MYO5C: variants seen among roughly 807,000 people sequenced by gnomAD.
The protein encoded by MYO5C is unconventional myosin-Vc.
A neutral mutation model predicts 235.7 loss-of-function variants in MYO5C; 194 were observed. That is an observed-to-expected ratio of 0.82 (90% CI 0.73 to 0.93). MYO5C has a LOEUF of 0.93. Ranked by LOEUF, MYO5C falls within the 40% of genes least tolerant of loss-of-function variation. The pLI is 0.00. For synonymous variants in MYO5C, 707 were observed against 754.8 expected (o/e 0.94, Z 1.04); for missense variants, 2,038 against 2,127.2 (o/e 0.96, Z 0.82).
At chr15:52,286,566 A>G (rs1432232711) in intron 1 of MYO5C, among the ~76,000 whole-genome samples, 1 of 152,098 alleles carries the variant, frequency 6.6e-6, no homozygotes, top group African/African-American at 2.4e-5. Flanking sequence ...AGAGGTAGAC[A>G]TGGGAGACTT....
At chr15:52,216,496 A>G (rs1475193574) in intron 32 of MYO5C, among the ~76,000 whole-genome samples, 1 of 152,216 alleles carries the variant, frequency 6.6e-6, no homozygotes, top group East Asian at 1.9e-4. Flanking sequence ...TACAGGCATG[A>G]GCCACTGTGC....
chr15:52,268,200 C>A (rs1220205102), intron 8 of MYO5C, among the ~76,000 whole-genome samples: 1 of 152,166 alleles, frequency 6.6e-6, no homozygotes, highest in Non-Finnish European at 1.5e-5. Flanking sequence ...ATACAGTCAA[C>A]CAGGCCACAA....
chr15:52,226,737 G>C (rs2035831469), intron 25 of MYO5C, among the ~76,000 whole-genome samples: 1 of 152,212 alleles, frequency 6.6e-6, no homozygotes, highest in Non-Finnish European at 1.5e-5. Context: ...AAATCCTGAA[G>C]GCCATGCTTT....
At chr15:52,215,895 A>G (rs1211222531) in intron 32 of MYO5C, among the ~76,000 whole-genome samples, 1 of 152,234 alleles carries the variant, frequency 6.6e-6, no homozygotes, top group Non-Finnish European at 1.5e-5. Flanking sequence ...ATATCATACA[A>G]CAATTTAACC....
chr15:52,194,117 T>C (rs1169273961), intron 40 of MYO5C, 63 bp from the exon 41 acceptor site: 9 of 1,535,170 alleles, frequency 5.9e-6, no homozygotes, highest in Non-Finnish European at 7.9e-6. Flanking sequence ...TACTGCTACC[T>C]GAAAGTCAAG....
chr15:52,289,561 C>G (rs949512759), intron 1 of MYO5C, among the ~76,000 whole-genome samples: 1 of 152,160 alleles, frequency 6.6e-6, no homozygotes, highest in Non-Finnish European at 1.5e-5. Context: ...CTCTCCTGTC[C>G]GCCCCTGCCT....
At position 52,251,475 on chromosome 15, in the gene MYO5C, T is replaced by C. The variant is rs746468918; in HGVS notation, c.1577A>G (p.Tyr526Cys). ...AGGGTTCCTGTTGACAAAATTATTA[T>C]ACAGCTTTTGAAGCCAGTTTTCATC... The part of the protein sequence containing the change: ...GTDENWLQKL[Y>C]NNFVNRNPLF... Residue 526 changes from tyrosine (Y) to cysteine (C), a missense_variant, in exon 13 of 41, where the codon TAT becomes TGT. Physicochemically the swap from Tyr to Cys is radical, Grantham distance 194. Coordinates refer to ENST00000261839, the MANE Select transcript of MYO5C (RefSeq NM_018728.4). The C allele has an allele frequency of 3.7e-6, 6 of 1,607,158 alleles. No homozygotes were observed. Among genetic ancestry groups the C allele is most frequent in the East Asian group, 4.5e-5 (2 of 44,538 alleles).
chr15:52,247,640 G>T (rs753746368), intron 14 of MYO5C, 48 bp from the exon 15 acceptor site: 3 of 1,602,162 alleles, frequency 1.9e-6, no homozygotes, highest in Non-Finnish European at 8.5e-7. Context: ...ACTGCCCACA[G>T]TACTCACTCA....
chr15:52,259,425 A>AAAAAAAAAAG (rs1421781331), intron 10 of MYO5C, among the ~76,000 whole-genome samples: 1 of 151,388 alleles, frequency 6.6e-6, no homozygotes, highest in Non-Finnish European at 1.5e-5. Context: ...GTCTCAAAAA[A>AAAAAAAAAAG]AAAAAAAAGA....
At chr15:52,194,179 G>C in intron 40 of MYO5C, 125 bp from the exon 41 acceptor site, 1 of 832,038 alleles carries the variant, frequency 1.2e-6, no homozygotes, top group Non-Finnish European at 1.8e-6. Flanking sequence ...CACATGAAAT[G>C]ACATACATGA....
intron 19 of MYO5C, 24 bp from the exon 20 acceptor site, chr15:52,242,237 G>A (rs2036241993): frequency 1.9e-6 from 3 of 1,599,568 alleles, no homozygotes; most frequent in Non-Finnish European, 1.7e-6. Context: ...GATGAAGAGT[G>A]AGTCTGTTAC....
At chr15:52,206,458 G>A (rs1309955611) in intron 36 of MYO5C, among the ~76,000 whole-genome samples, 1 of 152,146 alleles carries the variant, frequency 6.6e-6, no homozygotes, top group Admixed American at 6.5e-5. Context: ...TTGGAGATGG[G>A]GCCTTTAGGG....
chr15:52,201,702 A>G (rs1205427985), intron 38 of MYO5C, among the ~76,000 whole-genome samples: 2 of 152,154 alleles, frequency 1.3e-5, no homozygotes, highest in African/African-American at 2.4e-5. Context: ...AACTAAAATT[A>G]TAATATTGTA....
At chr15:52,278,709 C>G (rs949447711) in intron 4 of MYO5C, among the ~76,000 whole-genome samples, 164 bp downstream of exon 4, 4 of 152,186 alleles carry the variant, frequency 2.6e-5, no homozygotes, top group Non-Finnish European at 5.9e-5. Context: ...GTACATGGAA[C>G]AGTCGTTTGC....
At chr15:52,207,493 A>G (rs970326460) in intron 36 of MYO5C, among the ~76,000 whole-genome samples, 2 of 152,204 alleles carry the variant, frequency 1.3e-5, no homozygotes, top group African/African-American at 2.4e-5. Flanking sequence ...CATTGGGACA[A>G]CTGGTTATCT....
In MYO5C at chr15:52,193,883, G is replaced by T. The variant is rs375258360; in HGVS notation, c.*19C>A. On this transcript the variant is annotated 3_prime_UTR_variant, in exon 41 of 41. Transcript: ENST00000261839. ...TTCACTTAGCTTTTGAAGAAAAAGT[G>T]CATTGACTTTTTCTCCTGCTATAAC... 6.9e-6 allele frequency: 11 copies of T among 1,598,172 alleles called. No homozygotes were observed. Among genetic ancestry groups the T allele is most frequent in the Non-Finnish European group, 9.4e-6 (11 of 1,175,210 alleles).
intron 38 of MYO5C, among the ~76,000 whole-genome samples, chr15:52,200,373 G>A (rs1186990804): frequency 6.6e-6 from 1 of 152,052 alleles, no homozygotes; most frequent in East Asian, 1.9e-4. Context: ...TTCGAGACCA[G>A]CTTGGCCAAC....
chr15:52,223,210 C>G (rs576276980), intron 29 of MYO5C, among the ~76,000 whole-genome samples: 100 of 151,410 alleles, frequency 6.6e-4, no homozygotes, highest in African/African-American at 2.3e-3. Flanking sequence ...CTGACACACT[C>G]CTGTCTCAAG....
intron 24 of MYO5C, among the ~76,000 whole-genome samples, chr15:52,230,091 AAAT>A (rs1340348853): frequency 6.6e-6 from 1 of 152,234 alleles, no homozygotes; most frequent in African/African-American, 2.4e-5. Flanking sequence ...AGCCCTTCAA[AAAT>A]TCTAGAATAA....
Sources: gnomAD v4.1 joint callset for allele counts (sites outside exome capture counted in the v4.1 genomes callset) on GRCh38, gnomAD v4.1.1 for gene constraint, MANE v1.5 for transcripts, NCBI Gene and HGNC (gene_info 2026-07-23, HGNC 2026-07-21) for gene names.